The following VIT variants were observed in gnomAD, a reference collection of about 807,000 sequenced individuals.
VIT encodes the protein vitrin.
A neutral mutation model predicts 78.0 loss-of-function variants in VIT; 99 were observed. The ratio of observed to expected loss-of-function variants is 1.27; its 90% CI spans 1.08 to 1.50. The LOEUF (loss-of-function observed/expected upper bound fraction) is 1.50. Ranked by LOEUF, VIT falls within the 40% of genes most tolerant of loss-of-function variation. The probability of loss-of-function intolerance (pLI) is 0.00; values close to 1 mark genes in which losing one functional copy is unlikely to be tolerated. For missense variants in VIT, 1,126 were observed against 875.3 expected, an observed-to-expected ratio of 1.29 and a Z score of -3.61; for synonymous variants, 374 against 334.3, an observed-to-expected ratio of 1.12 and a Z score of -1.29.
At chr2:36,716,289 T>C (rs1359283816) in intron 1 of VIT, 64 bp from the exon 2 acceptor site, 3 of 1,374,670 alleles carry the variant, frequency 2.2e-6, no homozygotes, top group Admixed American at 1.7e-5. Context: ...CCCCACACAC[T>C]CTGTGCATCC....
At chr2:36,785,005 C>T (rs777533928) in intron 11 of VIT, among the ~76,000 whole-genome samples, 8 of 152,138 alleles carry the variant, frequency 5.3e-5, no homozygotes, top group East Asian at 1.9e-4. Context: ...AAGATGAATA[C>T]GTTAATCCTG....
At chr2:36,781,868 C>A (rs1664784854) in intron 10 of VIT, 97 bp downstream of exon 10, 6 of 1,431,858 alleles carry the variant, frequency 4.2e-6, no homozygotes, top group Non-Finnish European at 5.8e-6. Context: ...AGCGGCCGAG[C>A]TCCACTAGCC....
In VIT at chr2:36,729,502, TC is replaced by T; in HGVS notation, c.118+12del. ...AAAGGCCCAAGTTCAGTAAGTAAAA[TC>T]ACAATTCCTTGCTGGCATAATGCTT... On this transcript the variant is annotated intron_variant, in intron 3 of 15. Transcript: ENST00000379242. 6.2e-7 allele frequency: 1 copy of T among 1,607,702 alleles called. No individual in the cohort carries two copies. The highest frequency in any genetic ancestry group is 2.2e-5 in the East Asian group (1 of 44,688).
At chr2:36,794,860 GTTAAAAAAA>G (rs1665755774) in intron 12 of VIT, among the ~76,000 whole-genome samples, 1 of 152,008 alleles carries the variant, frequency 6.6e-6, no homozygotes, top group African/African-American at 2.4e-5. Flanking sequence ...AAGAAATACC[GTTAAAAAAA>G]TTAGAAGCAC....
At chr2:36,792,328 G>A (rs2148645710) in intron 12 of VIT, among the ~76,000 whole-genome samples, 1 of 152,330 alleles carries the variant, frequency 6.6e-6, no homozygotes, top group South Asian at 2.1e-4. Context: ...GGAACACAGA[G>A]TCTCAAGACC....
intron 15 of VIT, among the ~76,000 whole-genome samples, chr2:36,812,891 C>T (rs761667567): frequency 1.4e-5 from 2 of 139,008 alleles, no homozygotes; most frequent in Non-Finnish European, 3.0e-5. Flanking sequence ...GATGGAGTCT[C>T]GCTCTGTCAC....
At chr2:36,794,539 C>G (rs1181109246) in intron 12 of VIT, among the ~76,000 whole-genome samples, 1 of 152,172 alleles carries the variant, frequency 6.6e-6, no homozygotes, top group African/African-American at 2.4e-5. Context: ...ACTGCAGATT[C>G]ATGATTTCTT....
chr2:36,755,028 G>T lies in VIT; in HGVS notation c.383G>T (p.Arg128Leu), dbSNP rs927057909. ...SNGVQSLSLP[R>L]WRESFIVLES... ...GGTGTCCAATCGTTATCCCTACCAC[G>T]ATGGAGAGAATCCTTTATCGTCTTA... The change falls in exon 5 of 16, where the codon CGA becomes CTA. Residue 128 changes from arginine (R) to leucine (L), a missense_variant. Transcript: ENST00000379242. The T allele has an allele frequency of 2.5e-6, 4 of 1,614,016 alleles. No homozygotes were observed. The highest frequency in any genetic ancestry group is 3.4e-6 in the Non-Finnish European group (4 of 1,180,000).
At chr2:36,754,826 T>C in intron 4 of VIT, 95 bp from the exon 5 acceptor site, 4 of 1,397,506 alleles carry the variant, frequency 2.9e-6, no homozygotes, top group Non-Finnish European at 3.9e-6. Context: ...TGCTTTCCTA[T>C]GTGTAAATAA....
chr2:36,789,747 A>G (rs1558574794), intron 12 of VIT, among the ~76,000 whole-genome samples: 2 of 151,986 alleles, frequency 1.3e-5, no homozygotes, highest in South Asian at 2.1e-4. Flanking sequence ...TCATCCCTGC[A>G]CTCTTGGAAT....
rs954339536 is a variant in VIT at position 36,814,568 on chromosome 2, A to G, written c.*207A>G. 2 of 588,758 alleles carry G rather than the reference A, an allele frequency of 3.4e-6. No homozygotes were observed. The highest frequency in any genetic ancestry group is 3.7e-5 in the African/African-American group (2 of 54,012). The allele number at this position is 588,758 out of a possible 1,614,324, so 36.5% of individuals were successfully genotyped here. ...TGATCACAAACGTATAGAATGAGCC[A>G]AAAGGCTACATCATGTTGAGGGTGC... is the stretch of plus-strand genomic sequence containing the variant. On this transcript the variant is annotated 3_prime_UTR_variant, in exon 16 of 16. Transcript: ENST00000379242.
intron 7 of VIT, among the ~76,000 whole-genome samples, chr2:36,770,169 C>T (rs1572508628): frequency 6.6e-6 from 1 of 152,310 alleles, no homozygotes; most frequent in Middle Eastern, 3.4e-3. Flanking sequence ...ATGGAATGCC[C>T]ACTATGTGTC....
intron 4 of VIT, among the ~76,000 whole-genome samples, chr2:36,753,634 T>A (rs1010414646): frequency 6.6e-6 from 1 of 152,108 alleles, no homozygotes; most frequent in Admixed American, 6.5e-5. Context: ...TCACTGCCCT[T>A]TGTCAGCAGC....
rs1161298315 is a variant in VIT at position 36,808,915 on chromosome 2, A to T, written c.1833A>T (p.Leu611Phe). The T allele has an allele frequency of 3.7e-6, 6 of 1,613,946 alleles. 1 individual carries two copies. The South Asian group carries it at 6.6e-5, about 18-fold the overall frequency. The change falls in exon 15 of 16, where the codon TTA becomes TTT. Residue 611 changes from leucine (L) to phenylalanine (F), a missense_variant. Coordinates refer to ENST00000379242, the MANE Select transcript of VIT (RefSeq NM_053276.4). The part of the protein sequence containing the change: ...FKKSKPNKRK[L>F]MILITDGRSY... The stretch of plus-strand genomic sequence containing the variant: ...AGTCCAAGCCCAACAAGAGGAAGTT[A>T]ATGATCCTCATCACCGACGGGAGGT...
intron 7 of VIT, among the ~76,000 whole-genome samples, chr2:36,772,484 G>A (rs544605771): frequency 1.1e-3 from 161 of 152,090 alleles, no homozygotes; most frequent in South Asian, 3.3e-3. Flanking sequence ...GTGGGGAGCC[G>A]AGATCATGCC....
At chr2:36,726,101 C>T (rs920555986) in intron 2 of VIT, among the ~76,000 whole-genome samples, 2 of 150,666 alleles carry the variant, frequency 1.3e-5, no homozygotes, top group Non-Finnish European at 3.0e-5. Flanking sequence ...CAGAAATTTT[C>T]ACAATATGTA....
chr2:36,787,838 G>A (rs904550123), intron 12 of VIT: 1 of 456,128 alleles, frequency 2.2e-6, no homozygotes, highest in African/African-American at 2.0e-5. Context: ...AGAAGAATGG[G>A]TGGGAAGAGA....
chr2:36,703,347 AC>A (rs1003527861), intron 1 of VIT, among the ~76,000 whole-genome samples: 2 of 117,014 alleles, frequency 1.7e-5, no homozygotes, highest in African/African-American at 6.1e-5. Flanking sequence ...CCCTACCCCC[AC>A]CCCCCTACAC....
intron 15 of VIT, among the ~76,000 whole-genome samples, chr2:36,811,109 C>T (rs986990841): frequency 3.3e-5 from 5 of 152,146 alleles, no homozygotes; most frequent in African/African-American, 1.2e-4. Flanking sequence ...TTTATGGAGC[C>T]TGTAGGGCAC....
Sources: gnomAD v4.1 joint callset for allele counts (sites outside exome capture counted in the v4.1 genomes callset) on GRCh38, gnomAD v4.1.1 for gene constraint, MANE v1.5 for transcripts, NCBI Gene and HGNC (gene_info 2026-07-23, HGNC 2026-07-21) for gene names.